The following KCNN3 variants were observed in gnomAD, a reference collection of about 807,000 sequenced individuals.
The protein encoded by KCNN3 is potassium calcium-activated channel subfamily N member 3.
Under a neutral mutation model 62.9 loss-of-function variants are expected in KCNN3, and 16 were observed. The ratio of observed to expected loss-of-function variants is 0.25; its 90% CI spans 0.17 to 0.39. KCNN3 has a LOEUF of 0.39. KCNN3 is among the 10% of genes least tolerant of loss of function. KCNN3 has a pLI of 1.00. For synonymous variants in KCNN3, 370 were observed against 389.2 expected, an observed-to-expected ratio of 0.95 and a Z score of 0.58; for missense variants, 599 against 949.4, an observed-to-expected ratio of 0.63 and a Z score of 4.85.
intron 5 of KCNN3, among the ~76,000 whole-genome samples, chr1:154,715,893 G>A (rs1270349884): frequency 6.6e-6 from 1 of 152,160 alleles, no homozygotes; most frequent in Non-Finnish European, 1.5e-5. Context: ...CTTTCCCACT[G>A]ATTGGAACTA....
intron 2 of KCNN3, among the ~76,000 whole-genome samples, chr1:154,780,651 A>T (rs1012915148): frequency 4.6e-5 from 7 of 151,172 alleles, no homozygotes; most frequent in Admixed American, 6.6e-5. Context: ...TATATTCTGC[A>T]TGTACACCAT....
At chr1:154,751,289 T>C (rs1647365363) in intron 3 of KCNN3, among the ~76,000 whole-genome samples, 1 of 152,234 alleles carries the variant, frequency 6.6e-6, no homozygotes, top group Non-Finnish European at 1.5e-5. Context: ...TCAGGTGTTT[T>C]TTTGGATCAC....
intron 1 of KCNN3, among the ~76,000 whole-genome samples, chr1:154,843,939 T>C (rs1023395520): frequency 4.5e-4 from 68 of 152,144 alleles, no homozygotes; most frequent in African/African-American, 1.5e-3. Flanking sequence ...CAGCACAGGG[T>C]GCGGTGCCCC....
At chr1:154,789,928 CAG>C (rs1274935633) in intron 2 of KCNN3, among the ~76,000 whole-genome samples, 3 of 152,012 alleles carry the variant, frequency 2.0e-5, no homozygotes, top group African/African-American at 7.3e-5. Flanking sequence ...TTTTGAGAGA[CAG>C]AGTCTCGCTC....
chr1:154,732,578 G>T (rs1020166623), intron 4 of KCNN3, among the ~76,000 whole-genome samples: 3 of 152,220 alleles, frequency 2.0e-5, no homozygotes, highest in African/African-American at 4.8e-5. Context: ...GTGAGTTCCA[G>T]CTAAACATGA....
intron 1 of KCNN3, among the ~76,000 whole-genome samples, chr1:154,848,440 C>A (rs1422984315): frequency 6.6e-6 from 1 of 152,136 alleles, no homozygotes; most frequent in Non-Finnish European, 1.5e-5. Context: ...TCTCTATAAC[C>A]CATCCTCCAT....
rs981434882 is a variant in KCNN3 at position 154,861,688 on chromosome 1, A to C, written c.933+7344T>G. 7.2e-5 allele frequency among the ~76,000 whole-genome samples: 11 copies of C among 152,190 alleles called. No homozygotes were observed. In the South Asian group the frequency reaches 2.1e-3, roughly 29 times the overall value. On this transcript the variant is annotated intron_variant, in intron 1 of 7. Coordinates refer to ENST00000271915, the MANE Select transcript of KCNN3 (RefSeq NM_002249.6). ...GTCTCCTTCCTCAGTCCTCCCAAGCACCAACACCATAAACCACCGTCCGCC... is the reference window on the plus strand; with the variant it reads ...GTCTCCTTCCTCAGTCCTCCCAAGCCCCAACACCATAAACCACCGTCCGCC...
chr1:154,863,893 G>A (rs1466545887), intron 1 of KCNN3, among the ~76,000 whole-genome samples: 1 of 152,188 alleles, frequency 6.6e-6, no homozygotes, highest in Non-Finnish European at 1.5e-5. Context: ...GTGATGACAC[G>A]CAAAGGAGAA....
At chr1:154,778,952 GC>G (rs1295522524) in intron 2 of KCNN3, among the ~76,000 whole-genome samples, 1 of 152,072 alleles carries the variant, frequency 6.6e-6, no homozygotes, top group Non-Finnish European at 1.5e-5. Flanking sequence ...CATGTACCTT[GC>G]TTTGGCCAGT....
intron 3 of KCNN3, among the ~76,000 whole-genome samples, chr1:154,740,793 T>G (rs1383290571): frequency 6.6e-6 from 1 of 152,278 alleles, no homozygotes; most frequent in Non-Finnish European, 1.5e-5. Flanking sequence ...TTCTGTGGCG[T>G]GTCATTCATG....
intron 3 of KCNN3, among the ~76,000 whole-genome samples, chr1:154,755,532 A>AAGAAG (rs1647614246): frequency 1.3e-5 from 1 of 75,004 alleles, no homozygotes; most frequent in Non-Finnish European, 3.4e-5. Context: ...AGAAAGAAGA[A>AAGAAG]GAAAGGAAAG....
At chr1:154,754,241 G>A (rs1647524718) in intron 3 of KCNN3, among the ~76,000 whole-genome samples, 1 of 152,184 alleles carries the variant, frequency 6.6e-6, no homozygotes, top group African/African-American at 2.4e-5. Context: ...AGCTACTTCT[G>A]TAAACTGGTG....
intron 1 of KCNN3, among the ~76,000 whole-genome samples, chr1:154,827,936 A>C (rs1651205126): frequency 6.6e-6 from 1 of 152,176 alleles, no homozygotes; most frequent in Non-Finnish European, 1.5e-5. Context: ...TCACTAATGA[A>C]TGAAGTGACA....
rs1332163257 is a variant in KCNN3 at position 154,703,395 on chromosome 1, A to G, written c.*4581T>C. 1.3e-5 allele frequency: 2 copies of G among 152,222 alleles called. No individual in the cohort carries two copies. Among genetic ancestry groups the G allele is most frequent in the Non-Finnish European group, 2.9e-5 (2 of 68,052 alleles). 9.4% of individuals were successfully genotyped at this position (152,222 alleles called of 1,614,324 possible). A position where few individuals can be genotyped will look rare whatever the true frequency, so the allele number is the denominator to read the frequency against. Reference sequence around the variant, plus strand: ...AAGGGGTTGTTCGTGCCTACTGGGAAGTCACCAGATAGCTGTCTAAGGTAC... The same window carrying G: ...AAGGGGTTGTTCGTGCCTACTGGGAGGTCACCAGATAGCTGTCTAAGGTAC... On this transcript the variant is annotated 3_prime_UTR_variant, in exon 8 of 8. Coordinates refer to ENST00000271915, the MANE Select transcript of KCNN3 (RefSeq NM_002249.6).
chr1:154,714,534 T>G (rs1483429347), intron 6 of KCNN3, among the ~76,000 whole-genome samples: 7 of 101,960 alleles, frequency 6.9e-5, no homozygotes, highest in African/African-American at 1.6e-4. Context: ...TTGTGTGTGG[T>G]GTGTGTGGGG....
intron 3 of KCNN3, among the ~76,000 whole-genome samples, chr1:154,770,475 A>C (rs1364336873): frequency 6.6e-6 from 1 of 152,226 alleles, no homozygotes; most frequent in Non-Finnish European, 1.5e-5. Context: ...CTGCTAGGAC[A>C]CTGGTGCATG....
chr1:154,857,466 CA>C (rs1652584134), intron 1 of KCNN3, among the ~76,000 whole-genome samples: 1 of 150,812 alleles, frequency 6.6e-6, no homozygotes, highest in Admixed American at 6.6e-5. Context: ...GAGCACAAAA[CA>C]TCCCCTGAGG....
intron 7 of KCNN3, 98 bp downstream of exon 7, chr1:154,713,366 G>T: frequency 2.1e-6 from 2 of 951,486 alleles, no homozygotes; most frequent in Non-Finnish European, 3.4e-6. Flanking sequence ...GCCTGGTCCC[G>T]CGCTGTCCAG....
intron 2 of KCNN3, among the ~76,000 whole-genome samples, chr1:154,812,382 A>G (rs1461211042): frequency 2.0e-5 from 3 of 152,006 alleles, no homozygotes; most frequent in Non-Finnish European, 4.4e-5. Flanking sequence ...TACATTAGGT[A>G]TATCTCCTAA....
Sources: allele counts gnomAD v4.1 joint callset (sites outside exome capture counted in the v4.1 genomes callset), GRCh38; gene constraint gnomAD v4.1.1; transcripts MANE v1.5; gene names NCBI Gene and HGNC (gene_info 2026-07-23, HGNC 2026-07-21).